ISG20L2: variants seen among roughly 807,000 people sequenced by gnomAD.
ISG20L2 encodes the protein interferon-stimulated 20 kDa exonuclease-like 2.
A neutral mutation model predicts 27.8 loss-of-function variants in ISG20L2; 14 were observed. That is an observed-to-expected ratio of 0.50 (90% CI 0.33 to 0.79). The LOEUF is 0.79. ISG20L2 is among the 30% of genes least tolerant of loss of function. The pLI, the probability that ISG20L2 is intolerant of heterozygous loss-of-function variation, is 0.02. For synonymous variants in ISG20L2, 157 were observed against 165.7 expected, an observed-to-expected ratio of 0.95 and a Z score of 0.40; for missense variants, 393 against 435.1, an observed-to-expected ratio of 0.90 and a Z score of 0.86.
At position 156,727,287 on chromosome 1, in the gene ISG20L2, G is replaced by C. The variant is rs139375479; in HGVS notation, c.366C>G (p.Phe122Leu). ...VAAKVDLLGE[F>L]QSALPKINSH... ...TATTGATCTTTGGAAGGGCACTCTG[G>C]AACTCCCCCAGCAAATCTACTTTAG... is the stretch of plus-strand genomic sequence containing the variant. The change falls in exon 2 of 4, where the codon TTC becomes TTG. Residue 122 changes from phenylalanine to leucine, a missense_variant. Phe to Leu is a conservative substitution (Grantham distance 22). Around this residue, in one of 3 missense-constraint regions of ISG20L2, gnomAD observed 183 missense variants for 168.2 expected, o/e 1.09. Coordinates refer to ENST00000368219, the MANE Select transcript of ISG20L2 (RefSeq NM_001370150.2). 4 of 1,614,126 alleles carry C rather than the reference G, an allele frequency of 2.5e-6. No individual in the cohort carries two copies. Among genetic ancestry groups the C allele is most frequent in the Non-Finnish European group, 8.5e-7 (1 of 1,180,014 alleles).
At chr1:156,728,370 C>T in intron 1 of ISG20L2, 45 bp downstream of exon 1, 1 of 985,672 alleles carries the variant, frequency 1.0e-6, no homozygotes, top group Non-Finnish European at 1.2e-6. Context: ...AAGCATACTT[C>T]GGATCCCCGC....
chr1:156,728,400 C>T lies in ISG20L2; in HGVS notation c.-118+15G>A, dbSNP rs1259686245. 4.1e-6 allele frequency: 4 copies of T among 985,506 alleles called. No homozygotes were observed. Among genetic ancestry groups the T allele is most frequent in the Non-Finnish European group, 4.8e-6 (4 of 829,972 alleles). The allele number at this position is 985,506 out of a possible 1,614,324, so 61.0% of individuals were successfully genotyped here. A position where few individuals can be genotyped will look rare whatever the true frequency, so the allele number is the denominator to read the frequency against. ...CCCCGCGGTACAGATCGATCTCTCA[C>T]GCTCACAAACCTACCTCCCAGACGG... is the stretch of plus-strand genomic sequence containing the variant. On this transcript the variant is annotated intron_variant, in intron 1 of 3. Transcript: ENST00000368219.
In ISG20L2 at chr1:156,727,378, A is replaced by G. The variant is rs746609285; in HGVS notation, c.275T>C (p.Leu92Pro). The G allele has an allele frequency of 6.2e-7, 1 of 1,614,056 alleles. No homozygotes were observed. Among genetic ancestry groups the G allele is most frequent in the African/African-American group, 1.3e-5 (1 of 74,912 alleles). The change falls in exon 2 of 4, where the codon CTG (leucine) becomes CCG (proline). Residue 92 changes from leucine to proline, a missense_variant. By Grantham distance (98) the Leu-to-Pro change is moderately conservative (BLOSUM62 -3). Coordinates refer to ENST00000368219, the MANE Select transcript of ISG20L2 (RefSeq NM_001370150.2). ...CCAAGACACTGCAGCTTTCTTGTCCAGGGGCTGTCCTGACCCATTGCTGGA... is the reference window on the plus strand; with the variant it reads ...CCAAGACACTGCAGCTTTCTTGTCCGGGGGCTGTCCTGACCCATTGCTGGA... ...AASSNGSGQPLDKKAAVSWLT... is the reference protein window; with the variant it reads ...AASSNGSGQPPDKKAAVSWLT...
chr1:156,727,429 G>C lies in ISG20L2; in HGVS notation c.224C>G (p.Ser75Cys). 1 of 1,614,032 alleles carries C rather than the reference G, an allele frequency of 6.2e-7. No homozygotes were observed. Among genetic ancestry groups the C allele is most frequent in the East Asian group, 2.2e-5 (1 of 44,888 alleles). ...AGCAGCTGTCTTCTTTTTTGGGAAGGAAGGGGTCTTCCAAGTGCCATCGAC... is the reference window on the plus strand; with the variant it reads ...AGCAGCTGTCTTCTTTTTTGGGAAGCAAGGGGTCTTCCAAGTGCCATCGAC... ...PTVDGTWKTP[S>C]FPKKKTAASS... Residue 75 changes from serine to cysteine, a missense_variant, in exon 2 of 4, where the codon TCC (serine) becomes TGC (cysteine). Around this residue, in one of 3 missense-constraint regions of ISG20L2, gnomAD observed 183 missense variants for 168.2 expected, o/e 1.09. Transcript: ENST00000368219.
intron 2 of ISG20L2, chr1:156,726,243 G>A: frequency 1.0e-6 from 1 of 985,288 alleles, no homozygotes; most frequent in Non-Finnish European, 1.2e-6. Context: ...GCTACTTTTT[G>A]CTTGGGACGA....
At chr1:156,723,799 T>C (rs1370367967) in intron 3 of ISG20L2, 14 of 985,340 alleles carry the variant, frequency 1.4e-5, no homozygotes, top group Non-Finnish European at 1.7e-5. Context: ...GTGACATATG[T>C]CCCCATCTTC....
At chr1:156,723,862 C>A in intron 3 of ISG20L2, 1 of 1,276,122 alleles carries the variant, frequency 7.8e-7, no homozygotes, top group East Asian at 3.5e-5. Context: ...TACGAGCGGT[C>A]CTTGCATCCA....
chr1:156,728,482 G>A lies in ISG20L2; in HGVS notation c.-185C>T, dbSNP rs1356611928. 3.0e-6 allele frequency: 3 copies of A among 985,522 alleles called. No individual in the cohort carries two copies. Among genetic ancestry groups the A allele is most frequent in the African/African-American group, 3.5e-5 (2 of 57,248 alleles). The allele number at this position is 985,522 out of a possible 1,614,324, so 61.0% of individuals were successfully genotyped here. On this transcript the variant is annotated 5_prime_UTR_variant, in exon 1 of 4. Coordinates refer to ENST00000368219, the MANE Select transcript of ISG20L2 (RefSeq NM_001370150.2). Reference sequence around the variant, plus strand: ...GATGCGGAAATCGGTGCGCGCCGACGAAGCCCGGGAAGGCAGGCGCGCGGG... The same window carrying A: ...GATGCGGAAATCGGTGCGCGCCGACAAAGCCCGGGAAGGCAGGCGCGCGGG...
chr1:156,723,429 C>T lies in ISG20L2; in HGVS notation c.982G>A (p.Ala328Thr). The change falls in exon 4 of 4, where the codon GCC (alanine) becomes ACC (threonine). Residue 328 changes from alanine to threonine, a missense_variant. Ala to Thr is a moderately conservative substitution (Grantham distance 58). Around this residue, in one of 3 missense-constraint regions of ISG20L2, gnomAD observed 171 missense variants for 195.3 expected, o/e 0.88. Transcript: ENST00000368219. ...GKSGHSSVED[A>T]QATMELYKLV... ...TTATATAGCTCCATGGTGGCCTGGG[C>T]ATCTTCCACAGAGGAATGTCCGCTC... 1 of 1,614,168 alleles carries T rather than the reference C, an allele frequency of 6.2e-7. No individual in the cohort carries two copies. The highest frequency in any genetic ancestry group is 8.5e-7 in the Non-Finnish European group (1 of 1,180,026).
intron 1 of ISG20L2, 156 bp from the exon 2 acceptor site, chr1:156,727,925 T>C (rs1031807372): frequency 3.3e-5 from 39 of 1,192,544 alleles, no homozygotes; most frequent in Admixed American, 8.1e-5. Flanking sequence ...GGAGGGAGCA[T>C]TGGTGTTAGC....
rs1648564458 is a variant in ISG20L2, at chr1:156,722,158, C to G, written c.*1191G>C. The G allele has an allele frequency of 6.6e-6, 1 of 152,204 alleles. No individual in the cohort carries two copies. Among genetic ancestry groups the G allele is most frequent in the African/African-American group, 2.4e-5 (1 of 41,438 alleles). 9.4% of individuals were successfully genotyped at this position (152,204 alleles called of 1,614,324 possible). On this transcript the variant is annotated 3_prime_UTR_variant, in exon 4 of 4. Transcript: ENST00000368219. ...CTAAAGCTCACCAGCGATGGCTGCTCTGGAAGTCAAGGTGGGAAGAACAGG... is the reference window on the plus strand; with the variant it reads ...CTAAAGCTCACCAGCGATGGCTGCTGTGGAAGTCAAGGTGGGAAGAACAGG...
intron 2 of ISG20L2, chr1:156,724,998 C>G (rs975550758): frequency 2.6e-5 from 4 of 151,762 alleles, no homozygotes; most frequent in African/African-American, 9.7e-5. Flanking sequence ...GTTGCCCAGG[C>G]TGGAGTGTAC....
Position 156,728,569 on chromosome 1 carries a change from C to G in ISG20L2, c.-272G>C. ...ACCGCCCCGACCCCAGGTAGTGAGG[C>G]CAGTGATTCCGAGTGTGTGAGGAGC... On this transcript the variant is annotated 5_prime_UTR_variant, in exon 1 of 4. Transcript: ENST00000368219. The G allele has an allele frequency of 4.1e-6, 4 of 985,704 alleles. No individual in the cohort carries two copies. Among genetic ancestry groups the G allele is most frequent in the Non-Finnish European group, 4.8e-6 (4 of 829,950 alleles). The allele number at this position is 985,704 out of a possible 1,614,324, so 61.1% of individuals were successfully genotyped here. A position where few individuals can be genotyped will look rare whatever the true frequency, so the allele number is the denominator to read the frequency against.
intron 2 of ISG20L2, chr1:156,726,153 A>G: frequency 1.0e-6 from 1 of 985,402 alleles, no homozygotes; most frequent in Non-Finnish European, 1.2e-6. Context: ...TACCTGTTCC[A>G]GTTGGACAAT....
In ISG20L2 at chr1:156,723,338, C is replaced by A. The variant is rs763129878; in HGVS notation, c.*11G>T. 1.9e-6 allele frequency: 3 copies of A among 1,613,930 alleles called. No individual in the cohort carries two copies. The African/African-American group carries it at 4.0e-5, about 22-fold the overall frequency. ...CTCTGCCTCCTCATATCACCAGCGT[C>A]CCCACTGCCACTAGTCTGTAGGGGG... On this transcript the variant is annotated 3_prime_UTR_variant, in exon 4 of 4. Transcript: ENST00000368219.
At chr1:156,724,607 G>A in intron 2 of ISG20L2, 1 of 1,238,144 alleles carries the variant, frequency 8.1e-7, no homozygotes, top group Non-Finnish European at 1.0e-6. Context: ...TCCACCCCAT[G>A]ACATTAATTT....
At position 156,727,508 on chromosome 1, in the gene ISG20L2, T is replaced by C. The variant is rs755654503; in HGVS notation, c.145A>G (p.Ser49Gly). 4 of 1,614,014 alleles carry C rather than the reference T, an allele frequency of 2.5e-6. No homozygotes were observed. The highest frequency in any genetic ancestry group is 3.4e-6 in the Non-Finnish European group (4 of 1,179,954). Residue 49 changes from serine to glycine, a missense_variant, in exon 2 of 4, where the codon AGC (serine) becomes GGC (glycine). Physicochemically the swap from Ser to Gly is moderately conservative, Grantham distance 56. Around this residue, in one of 3 missense-constraint regions of ISG20L2, gnomAD observed 183 missense variants for 168.2 expected, o/e 1.09. Transcript: ENST00000368219. Reference protein sequence around the residue: ...GFLSKKNQPPSKAPKLHSEPS... With the variant: ...GFLSKKNQPPGKAPKLHSEPS... Reference sequence around the variant, plus strand: ...TCAGAGTGCAACTTAGGCGCCTTGCTAGGGGGTTGGTTCTTTTTACTCAGA... The same window carrying C: ...TCAGAGTGCAACTTAGGCGCCTTGCCAGGGGGTTGGTTCTTTTTACTCAGA...
chr1:156,727,629 C>A lies in ISG20L2; in HGVS notation c.24G>T (p.Leu8=). ...TTTTGGGAGGAGGTTCCCCAAAATC[C>A]AGATTGAGCAGTAAAGTAGACATAG... MSTLLLN[L]DFGEPPPKKA... The change falls in exon 2 of 4, where the codon CTG becomes CTT. Residue 8 remains leucine, a synonymous_variant. Transcript: ENST00000368219. The A allele has an allele frequency of 6.2e-7, 1 of 1,613,516 alleles. No individual in the cohort carries two copies.
rs745497138 is a variant in ISG20L2 at position 156,727,055 on chromosome 1, G to C, written c.598C>G (p.Arg200Gly). 1 of 1,614,136 alleles carries C rather than the reference G, an allele frequency of 6.2e-7. No individual in the cohort carries two copies. Among genetic ancestry groups the C allele is most frequent in the South Asian group, 1.1e-5 (1 of 91,088 alleles). The change falls in exon 2 of 4, where the codon CGA becomes GGA. Residue 200 changes from arginine to glycine, a missense_variant. Arg to Gly is a moderately radical substitution (Grantham distance 125, BLOSUM62 -2). Transcript: ENST00000368219. ...GPKGHVSSLA[R>G]CSIVNYNGDV... is the part of the protein sequence containing the mutation. ...CCGTTGTAGTTGACAATGCTACATC[G>C]AGCCAAGGAACTAACATGCCCCTTT...
Sources: allele counts gnomAD v4.1 joint callset, GRCh38; gene constraint gnomAD v4.1.1; regional missense constraint gnomAD v4.1.1; transcripts MANE v1.5; gene names NCBI Gene and HGNC (gene_info 2026-07-23, HGNC 2026-07-21).